The following DLG2 variants were observed in gnomAD, a reference collection of about 807,000 sequenced individuals.
The protein encoded by DLG2 is disks large homolog 2.
DLG2 carries 45 observed loss-of-function variants against 132.5 expected under a neutral mutation model. The ratio of observed to expected loss-of-function variants is 0.34; its 90% CI spans 0.27 to 0.44. The LOEUF is 0.44. DLG2 is among the 20% of genes least tolerant of loss of function. DLG2 has a pLI of 1.00. For missense variants in DLG2, 1,045 were observed against 1,196.9 expected (o/e 0.87, Z 1.87); for synonymous variants, 424 against 419.6 (o/e 1.01, Z -0.13).
chr11:84,238,500 A>G (rs141252042), intron 8 of DLG2, among the ~76,000 whole-genome samples: 3 of 152,088 alleles, frequency 2.0e-5, no homozygotes, highest in African/African-American at 4.8e-5. Flanking sequence ...GGCCTAGGCA[A>G]CAGAGTGAGA....
intron 3 of DLG2, among the ~76,000 whole-genome samples, chr11:85,298,122 T>C (rs886147877): frequency 1.3e-5 from 2 of 152,046 alleles, no homozygotes; most frequent in African/African-American, 4.8e-5. Context: ...AATGGGAGAC[T>C]GGTTACATAC....
chr11:83,936,296 G>C, intron 14 of DLG2, among the ~76,000 whole-genome samples: 1 of 152,126 alleles, frequency 6.6e-6, no homozygotes, highest in East Asian at 1.9e-4. Flanking sequence ...AAAGGTAATT[G>C]ATCCTCTTTA....
intron 21 of DLG2, among the ~76,000 whole-genome samples, chr11:83,518,117 A>T (rs1308511159): frequency 6.6e-6 from 1 of 152,212 alleles, no homozygotes; most frequent in Non-Finnish European, 1.5e-5. Context: ...CTGCCCCCAG[A>T]GGTGGAGTCT....
At chr11:84,505,710 G>A (rs1243564294) in intron 7 of DLG2, among the ~76,000 whole-genome samples, 1 of 151,990 alleles carries the variant, frequency 6.6e-6, no homozygotes, top group Non-Finnish European at 1.5e-5. Flanking sequence ...TTTAATAGTA[G>A]CAATAGTAAA....
chr11:85,586,270 T>C (rs371535525), intron 3 of DLG2, among the ~76,000 whole-genome samples: 1 of 152,220 alleles, frequency 6.6e-6, no homozygotes, highest in Non-Finnish European at 1.5e-5. Context: ...TTTGGAATAC[T>C]GTCAATAGGA....
At chr11:84,360,425 G>T (rs1369883883) in intron 7 of DLG2, among the ~76,000 whole-genome samples, 1 of 151,836 alleles carries the variant, frequency 6.6e-6, no homozygotes, top group Non-Finnish European at 1.5e-5. Flanking sequence ...GAGGGAAATT[G>T]CCCACCAACT....
At chr11:84,891,864 T>C (rs899546521) in intron 6 of DLG2, among the ~76,000 whole-genome samples, 5 of 152,156 alleles carry the variant, frequency 3.3e-5, no homozygotes, top group Admixed American at 2.0e-4. Flanking sequence ...AAAGAATCTA[T>C]ATTAAAAGTC....
At chr11:84,166,282 T>C (rs2095660321) in intron 8 of DLG2, among the ~76,000 whole-genome samples, 1 of 152,010 alleles carries the variant, frequency 6.6e-6, no homozygotes, top group East Asian at 1.9e-4. Flanking sequence ...AGCAGGCGGA[T>C]CAAGAGGTCA....
At chr11:84,615,426 G>C (rs964000670) in intron 6 of DLG2, among the ~76,000 whole-genome samples, 1 of 152,024 alleles carries the variant, frequency 6.6e-6, no homozygotes, top group Non-Finnish European at 1.5e-5. Context: ...AATGTTTGCT[G>C]GAAAAGGTTT....
intron 11 of DLG2, among the ~76,000 whole-genome samples, chr11:84,029,037 G>A (rs1193855532): frequency 1.3e-5 from 2 of 152,070 alleles, no homozygotes; most frequent in African/African-American, 2.4e-5. Flanking sequence ...CTGTTATAAA[G>A]TAAGTAAATC....
At chr11:85,511,884 C>T (rs779696734) in intron 3 of DLG2, among the ~76,000 whole-genome samples, 1 of 151,922 alleles carries the variant, frequency 6.6e-6, no homozygotes, top group African/African-American at 2.4e-5. Context: ...TAGGCACGTG[C>T]CACCAAGCCT....
intron 6 of DLG2, among the ~76,000 whole-genome samples, chr11:84,710,997 CATAT>C (rs201024808): frequency 1.0e-5 from 1 of 96,156 alleles, no homozygotes; most frequent in African/African-American, 4.7e-5. Context: ...CAAGTACATT[CATAT>C]ATATATAGAT....
At chr11:84,711,009 GAT>G (rs367922564) in intron 6 of DLG2, among the ~76,000 whole-genome samples, 82 of 89,008 alleles carry the variant, frequency 9.2e-4, no homozygotes, top group East Asian at 2.8e-3. Flanking sequence ...TATATATATA[GAT>G]ATATATATAT....
intron 3 of DLG2, among the ~76,000 whole-genome samples, chr11:85,343,615 C>T (rs576705004): frequency 2.0e-5 from 3 of 152,168 alleles, no homozygotes; most frequent in South Asian, 4.1e-4. Flanking sequence ...TGTGTGCACA[C>T]GTTCTCTCTC....
intron 11 of DLG2, among the ~76,000 whole-genome samples, chr11:83,983,221 C>A (rs947148845): frequency 2.2e-4 from 34 of 152,150 alleles, no homozygotes; most frequent in Non-Finnish European, 4.1e-4. Flanking sequence ...CAGTACAATA[C>A]TTGCAGCATA....
chr11:84,534,026 C>A (rs2099349622), intron 7 of DLG2, among the ~76,000 whole-genome samples: 1 of 149,692 alleles, frequency 6.7e-6, no homozygotes, highest in African/African-American at 2.5e-5. Flanking sequence ...ATTTATCAAG[C>A]AATTGTTTAA....
chr11:84,208,249 A>C (rs1287950688), intron 8 of DLG2, among the ~76,000 whole-genome samples: 1 of 151,820 alleles, frequency 6.6e-6, no homozygotes, highest in Non-Finnish European at 1.5e-5. Context: ...GTAAAACCAA[A>C]CTGTAACACA....
At chr11:84,996,261 G>A (rs2057644408) in intron 6 of DLG2, among the ~76,000 whole-genome samples, 1 of 151,868 alleles carries the variant, frequency 6.6e-6, no homozygotes, top group Non-Finnish European at 1.5e-5. Flanking sequence ...ATTTCTTCCA[G>A]AAAGTTCTCA....
chr11:83,734,401 TTCCTTCCCTCCC>T (rs1335759032), intron 18 of DLG2, among the ~76,000 whole-genome samples: 37 of 90,588 alleles, frequency 4.1e-4, no homozygotes, highest in African/African-American at 1.5e-3. Flanking sequence ...CCTTCCTTCC[TTCCTTCCCTCCC>T]TCCTTCCCTC....
Sources: allele counts gnomAD v4.1 joint callset (sites outside exome capture counted in the v4.1 genomes callset), GRCh38; gene constraint gnomAD v4.1.1; transcripts MANE v1.5; gene names NCBI Gene and HGNC (gene_info 2026-07-23, HGNC 2026-07-21).